Variants in HACE1 observed in about 807,000 individuals in gnomAD.
The protein encoded by HACE1 is E3 ubiquitin-protein ligase HACE1.
Under a neutral mutation model 118.4 loss-of-function variants are expected in HACE1, and 73 were observed. The ratio of observed to expected loss-of-function variants is 0.62; its 90% CI spans 0.51 to 0.75. The LOEUF (loss-of-function observed/expected upper bound fraction) is 0.75. Ranked by LOEUF, HACE1 falls within the 30% of genes least tolerant of loss-of-function variation. The pLI, the probability that HACE1 is intolerant of heterozygous loss-of-function variation, is 0.00. For missense variants in HACE1, 749 were observed against 1,102.2 expected, an observed-to-expected ratio of 0.68 and a Z score of 4.54; for synonymous variants, 368 against 374.8, an observed-to-expected ratio of 0.98 and a Z score of 0.21.
intron 9 of HACE1, 26 bp from the exon 10 acceptor site, chr6:104,795,711 G>A: frequency 2.2e-6 from 3 of 1,338,268 alleles, no homozygotes; most frequent in Admixed American, 3.4e-5. Flanking sequence ...ATAAAAAAAT[G>A]TGATTACATA....
chr6:104,851,244 C>T lies in HACE1; in HGVS notation c.132-248G>A, dbSNP rs547692258. Among the ~76,000 whole-genome samples the T allele has an allele frequency of 6.6e-5, 10 of 152,236 alleles. No homozygotes were observed. In the East Asian group the frequency reaches 1.7e-3, roughly 26 times the overall value. ...GACTACAGGCGCATGCCACTACACC[C>T]GGCTAATTTTTGTATTTTTAGTAGA... is the stretch of plus-strand genomic sequence containing the variant. On this transcript the variant is annotated intron_variant, in intron 2 of 23. Transcript: ENST00000262903.
chr6:104,763,478 G>A (rs1779630346), intron 19 of HACE1, among the ~76,000 whole-genome samples: 1 of 151,994 alleles, frequency 6.6e-6, no homozygotes, highest in South Asian at 2.1e-4. Flanking sequence ...CACTATCTCA[G>A]CCACCCGTGT....
intron 1 of HACE1, among the ~76,000 whole-genome samples, chr6:104,854,857 T>A (rs1488370107): frequency 6.6e-6 from 1 of 152,230 alleles, no homozygotes; most frequent in Non-Finnish European, 1.5e-5. Flanking sequence ...ACTGTGAGTG[T>A]ATACATGAAA....
chr6:104,829,736 C>A (rs1272611006), intron 6 of HACE1, among the ~76,000 whole-genome samples: 4 of 152,066 alleles, frequency 2.6e-5, no homozygotes, highest in Admixed American at 2.6e-4. Flanking sequence ...ACTTTTTGTA[C>A]CCCTCCTCCT....
intron 2 of HACE1, among the ~76,000 whole-genome samples, chr6:104,851,455 A>G (rs1390621919): frequency 1.3e-5 from 2 of 152,222 alleles, no homozygotes; most frequent in African/African-American, 2.4e-5. Context: ...TTAGTATGTT[A>G]GCCAGCTCAG....
In HACE1 at chr6:104,859,557, C is replaced by G; in HGVS notation, c.76+10G>C. On this transcript the variant is annotated intron_variant, in intron 1 of 23. Coordinates refer to ENST00000262903, the MANE Select transcript of HACE1 (RefSeq NM_020771.4). ...CCCCGCGGCCAGCCTGGCCCCGCGA[C>G]CCGGCTCACCCTCGGGCAACTCCAC... The G allele has an allele frequency of 6.6e-7, 1 of 1,514,668 alleles. No homozygotes were observed. The highest frequency in any genetic ancestry group is 1.7e-4 in the Middle Eastern group (1 of 5,912). The allele number at this position is 1,514,668 out of a possible 1,614,324, so 93.8% of individuals were successfully genotyped here.
At chr6:104,790,138 T>G (rs1460277261) in intron 11 of HACE1, among the ~76,000 whole-genome samples, 2 of 151,706 alleles carry the variant, frequency 1.3e-5, no homozygotes, top group Non-Finnish European at 2.9e-5. Context: ...GGCTAAAAAC[T>G]GTCCTTCCTA....
At chr6:104,790,716 C>T (rs1782940907) in intron 11 of HACE1, among the ~76,000 whole-genome samples, 1 of 152,194 alleles carries the variant, frequency 6.6e-6, no homozygotes, top group African/African-American at 2.4e-5. Context: ...GATTGTGCCA[C>T]TGCATTCCAG....
At chr6:104,858,153 C>T (rs1247078822) in intron 1 of HACE1, among the ~76,000 whole-genome samples, 1 of 151,836 alleles carries the variant, frequency 6.6e-6, no homozygotes, top group African/African-American at 2.4e-5. Context: ...CTTTTAAAAC[C>T]AAGTAACATT....
chr6:104,793,051 G>A (rs372070155), intron 10 of HACE1, among the ~76,000 whole-genome samples: 13 of 151,754 alleles, frequency 8.6e-5, no homozygotes, highest in African/African-American at 2.4e-4. Flanking sequence ...GGCAGATCAC[G>A]AGGTCAGGAG....
intron 22 of HACE1, chr6:104,732,132 G>A (rs1775277886): frequency 6.6e-6 from 1 of 152,098 alleles, no homozygotes; most frequent in African/African-American, 2.4e-5. Context: ...AGCCTCTGTG[G>A]AAAACAGTAT....
intron 22 of HACE1, among the ~76,000 whole-genome samples, chr6:104,742,339 C>T (rs1776837241): frequency 7.0e-6 from 1 of 143,802 alleles, no homozygotes; most frequent in African/African-American, 2.7e-5. Flanking sequence ...AGAGCTTCTG[C>T]ACAGCAAAAG....
intron 11 of HACE1, among the ~76,000 whole-genome samples, chr6:104,789,436 A>C (rs1321242254): frequency 6.6e-6 from 1 of 152,052 alleles, no homozygotes. Context: ...AAAATTCTTG[A>C]AATAAGAAAG....
Position 104,859,668 on chromosome 6 carries a change from C to T in HACE1, c.-26G>A, listed in dbSNP as rs1195068546. 6 of 1,523,990 alleles carry T rather than the reference C, an allele frequency of 3.9e-6. No individual in the cohort carries two copies. Among genetic ancestry groups the T allele is most frequent in the Non-Finnish European group, 2.6e-6 (3 of 1,138,272 alleles). The allele number at this position is 1,523,990 out of a possible 1,614,324, so 94.4% of individuals were successfully genotyped here. ...CCTCGGCGCGCCCTCCGCGATCCTC[C>T]GCGATCAGCCGCCCCACCGGCGGCC... On this transcript the variant is annotated 5_prime_UTR_variant, in exon 1 of 24. Transcript: ENST00000262903.
At chr6:104,822,214 A>AAG (rs1554256153) in intron 6 of HACE1, among the ~76,000 whole-genome samples, 1 of 150,148 alleles carries the variant, frequency 6.7e-6, no homozygotes, top group African/African-American at 2.5e-5. Context: ...AAAAAAAAAA[A>AAG]AAAAAAAAAT....
At chr6:104,760,335 A>G (rs1221149845) in intron 19 of HACE1, among the ~76,000 whole-genome samples, 3 of 152,210 alleles carry the variant, frequency 2.0e-5, no homozygotes, top group Non-Finnish European at 4.4e-5. Flanking sequence ...CAGCACATAA[A>G]AAGCTTATCC....
chr6:104,758,893 G>A (rs1233072055), intron 19 of HACE1, among the ~76,000 whole-genome samples: 1 of 151,988 alleles, frequency 6.6e-6, no homozygotes, highest in Non-Finnish European at 1.5e-5. Flanking sequence ...AAAAGCAGGG[G>A]TTGCAATCCT....
rs1475077346 is a variant in HACE1, at chr6:104,859,672, AT to A, written c.-31del. ...GGCGCGCCCTCCGCGATCCTCCGCG[AT>A]CAGCCGCCCCACCGGCGGCCTCCGC... On this transcript the variant is annotated 5_prime_UTR_variant, in exon 1 of 24. Coordinates refer to ENST00000262903, the MANE Select transcript of HACE1 (RefSeq NM_020771.4). The A allele has an allele frequency of 6.6e-7, 1 of 1,523,708 alleles. No homozygotes were observed. Among genetic ancestry groups the A allele is most frequent in the South Asian group, 1.2e-5 (1 of 82,476 alleles). 94.4% of individuals were successfully genotyped at this position (1,523,708 alleles called of 1,614,324 possible). A position where few individuals can be genotyped will look rare whatever the true frequency, so the allele number is the denominator to read the frequency against.
chr6:104,800,014 C>T (rs369651693), intron 7 of HACE1, among the ~76,000 whole-genome samples: 7 of 152,222 alleles, frequency 4.6e-5, no homozygotes, highest in African/African-American at 1.4e-4. Flanking sequence ...CAAAATACGG[C>T]GCTTTTCCCA....
Sources: gnomAD v4.1 joint callset for allele counts (sites outside exome capture counted in the v4.1 genomes callset) on GRCh38, gnomAD v4.1.1 for gene constraint, MANE v1.5 for transcripts, NCBI Gene and HGNC (gene_info 2026-07-23, HGNC 2026-07-21) for gene names.